The following GPC5 variants were observed in gnomAD, a reference collection of about 807,000 sequenced individuals.
The protein encoded by GPC5 is glypican-5.
A neutral mutation model predicts 53.9 loss-of-function variants in GPC5; 47 were observed. That is an observed-to-expected ratio of 0.87 (90% CI 0.69 to 1.11). The LOEUF is 1.11. Ranked by LOEUF, GPC5 falls within the 50% of genes most tolerant of loss-of-function variation. The pLI is 0.00. For missense variants in GPC5, 748 were observed against 713.1 expected, an observed-to-expected ratio of 1.05 and a Z score of -0.56; for synonymous variants, 286 against 263.3, an observed-to-expected ratio of 1.09 and a Z score of -0.84.
At chr13:91,639,221 G>C (rs945099394) in intron 2 of GPC5, among the ~76,000 whole-genome samples, 2 of 152,196 alleles carry the variant, frequency 1.3e-5, no homozygotes, top group African/African-American at 4.8e-5. Context: ...TAAGTGTATT[G>C]AGTTGGGCAA....
intron 7 of GPC5, among the ~76,000 whole-genome samples, chr13:92,782,471 C>T (rs1489211816): frequency 6.6e-6 from 1 of 152,104 alleles, no homozygotes; most frequent in Non-Finnish European, 1.5e-5. Flanking sequence ...GGAAGAAGGC[C>T]TGTCTGAGTC....
chr13:92,201,363 C>T lies in GPC5; in HGVS notation c.1561+56374C>T, dbSNP rs759837797. Reference sequence around the variant, plus strand: ...TGTTGGCCGAGGAGCAGCCATGGCACATTGTCACTTCAATTGATGTGCATG... The same window carrying T: ...TGTTGGCCGAGGAGCAGCCATGGCATATTGTCACTTCAATTGATGTGCATG... On this transcript the variant is annotated intron_variant, in intron 7 of 7. Transcript: ENST00000377067. Among the ~76,000 whole-genome samples, 43 of 152,176 alleles carry T rather than the reference C, an allele frequency of 2.8e-4. 1 individual carries two copies. The highest frequency in any genetic ancestry group is 1.9e-4 in the East Asian group (1 of 5,194).
chr13:92,750,670 T>C (rs1445381165), intron 7 of GPC5, among the ~76,000 whole-genome samples: 1 of 152,178 alleles, frequency 6.6e-6, no homozygotes, highest in Non-Finnish European at 1.5e-5. Context: ...TCTACACTTG[T>C]ATGTTAATAA....
chr13:91,680,372 C>T (rs944789623), intron 2 of GPC5, among the ~76,000 whole-genome samples: 10 of 152,260 alleles, frequency 6.6e-5, no homozygotes, highest in Admixed American at 1.3e-4. Context: ...TCACTTGAAC[C>T]AGGGAGGCGG....
intron 1 of GPC5, among the ~76,000 whole-genome samples, chr13:91,432,113 T>C (rs1484166772): frequency 6.6e-6 from 1 of 152,050 alleles, no homozygotes; most frequent in Non-Finnish European, 1.5e-5. Context: ...ATTTGAGGTC[T>C]CTTTTAAAAC....
chr13:92,347,093 GA>G (rs2043419276), intron 7 of GPC5, among the ~76,000 whole-genome samples: 1 of 152,076 alleles, frequency 6.6e-6, no homozygotes, highest in Admixed American at 6.6e-5. Flanking sequence ...TGCAGAAGGT[GA>G]ATAAAGAGAA....
intron 7 of GPC5, among the ~76,000 whole-genome samples, chr13:92,285,465 G>C (rs1294977906): frequency 6.6e-6 from 1 of 152,152 alleles, no homozygotes; most frequent in Non-Finnish European, 1.5e-5. Context: ...AAAGCTGGAG[G>C]CATCACACTA....
At chr13:92,127,321 GT>G (rs1423885196) in intron 6 of GPC5, among the ~76,000 whole-genome samples, 3 of 150,222 alleles carry the variant, frequency 2.0e-5, no homozygotes, top group Admixed American at 6.6e-5. Context: ...GTATATATAT[GT>G]GTATGTGTAT....
intron 7 of GPC5, among the ~76,000 whole-genome samples, chr13:92,304,017 G>T (rs1271947412): frequency 6.6e-6 from 1 of 152,022 alleles, no homozygotes; most frequent in Non-Finnish European, 1.5e-5. Context: ...CTTCTACATA[G>T]ATTCCATTCT....
intron 6 of GPC5, among the ~76,000 whole-genome samples, chr13:92,124,513 AAGAGT>A (rs1360212812): frequency 6.6e-6 from 1 of 152,194 alleles, no homozygotes; most frequent in Non-Finnish European, 1.5e-5. Flanking sequence ...ATGAGAAGTA[AAGAGT>A]AGAAAGCAAG....
chr13:92,375,792 C>A (rs2043689220), intron 7 of GPC5, among the ~76,000 whole-genome samples: 1 of 152,124 alleles, frequency 6.6e-6, no homozygotes, highest in African/African-American at 2.4e-5. Context: ...TTGAATCAGA[C>A]CCACTGAGAT....
intron 6 of GPC5, among the ~76,000 whole-genome samples, chr13:92,018,034 A>G (rs1030510049): frequency 2.6e-5 from 4 of 151,986 alleles, no homozygotes; most frequent in African/African-American, 4.8e-5. Context: ...ACACACACAC[A>G]CAAGCTTCCA....
chr13:92,216,849 T>C (rs1372061665), intron 7 of GPC5, among the ~76,000 whole-genome samples: 1 of 151,938 alleles, frequency 6.6e-6, no homozygotes, highest in Non-Finnish European at 1.5e-5. Flanking sequence ...CGTGGTGGCG[T>C]ACACCTGTAA....
At chr13:91,583,736 A>G (rs954712216) in intron 2 of GPC5, among the ~76,000 whole-genome samples, 1 of 152,212 alleles carries the variant, frequency 6.6e-6, no homozygotes, top group African/African-American at 2.4e-5. Flanking sequence ...TGATATCAAG[A>G]GTCTAAATTT....
chr13:92,154,917 C>T (rs1383315811), intron 7 of GPC5, among the ~76,000 whole-genome samples: 1 of 152,134 alleles, frequency 6.6e-6, no homozygotes, highest in Non-Finnish European at 1.5e-5. Context: ...CTGAATAATA[C>T]TAAAACTGCC....
intron 7 of GPC5, among the ~76,000 whole-genome samples, chr13:92,825,560 A>G (rs1482537866): frequency 1.3e-5 from 2 of 152,162 alleles, no homozygotes; most frequent in Non-Finnish European, 2.9e-5. Flanking sequence ...GCTGCATAAC[A>G]TGAATTACAT....
At chr13:92,438,571 T>C (rs1877418926) in intron 7 of GPC5, among the ~76,000 whole-genome samples, 1 of 151,966 alleles carries the variant, frequency 6.6e-6, no homozygotes, top group South Asian at 2.1e-4. Context: ...ATTAAGTGTA[T>C]GTTTTAAAAA....
At chr13:91,833,086 C>T (rs1240183148) in intron 5 of GPC5, among the ~76,000 whole-genome samples, 4 of 152,076 alleles carry the variant, frequency 2.6e-5, no homozygotes, top group Admixed American at 2.0e-4. Flanking sequence ...CACAGAAATA[C>T]AAACTACCAT....
At chr13:91,987,707 C>T in intron 6 of GPC5, among the ~76,000 whole-genome samples, 1 of 148,308 alleles carries the variant, frequency 6.7e-6, no homozygotes, top group African/African-American at 2.5e-5. Flanking sequence ...CACTTAGCCA[C>T]TCTCTAGATT....
Sources: gnomAD v4.1 joint callset for allele counts (sites outside exome capture counted in the v4.1 genomes callset) on GRCh38, gnomAD v4.1.1 for gene constraint, MANE v1.5 for transcripts, NCBI Gene and HGNC (gene_info 2026-07-23, HGNC 2026-07-21) for gene names.